The following RYR3 variants were observed in gnomAD, a reference collection of about 807,000 sequenced individuals.
RYR3 encodes brain ryanodine receptor-calcium release channel.
RYR3 carries 207 observed loss-of-function variants against 584.3 expected under a neutral mutation model. The observed-to-expected ratio is 0.35, with a 90% CI of 0.32 to 0.40. The LOEUF is 0.40. RYR3 is among the 10% of genes least tolerant of loss of function. The pLI is 1.00. For missense variants in RYR3, 5,616 were observed against 6,089.2 expected (o/e 0.92, Z 2.59); for synonymous variants, 2,416 against 2,248.5 (o/e 1.07, Z -2.11).
chr15:33,583,636 G>C (rs933138843), intron 14 of RYR3, among the ~76,000 whole-genome samples: 1 of 152,174 alleles, frequency 6.6e-6, no homozygotes, highest in African/African-American at 2.4e-5. Flanking sequence ...AGTATAGAAA[G>C]AGGTTGGGTG....
At chr15:33,542,042 T>G (rs1454610747) in intron 7 of RYR3, among the ~76,000 whole-genome samples, 1 of 152,136 alleles carries the variant, frequency 6.6e-6, no homozygotes, top group Non-Finnish European at 1.5e-5. Flanking sequence ...TAAGGAGTGT[T>G]TGCAAATCAT....
At chr15:33,794,065 A>ATATATATTATATATAATATATAC (rs1427561623) in intron 67 of RYR3, among the ~76,000 whole-genome samples, 298 of 127,624 alleles carry the variant, frequency 2.3e-3, no homozygotes, top group Non-Finnish European at 3.7e-3. Context: ...TATATACATA[A>ATATATATTATATATAATATATAC]ATAAATATAT....
intron 60 of RYR3, among the ~76,000 whole-genome samples, chr15:33,764,123 C>T (rs1220008216): frequency 1.3e-5 from 2 of 151,924 alleles, no homozygotes; most frequent in Non-Finnish European, 2.9e-5. Flanking sequence ...TAAAGACATG[C>T]CCGTGTACGT....
At chr15:33,715,152 G>A (rs182492809) in intron 43 of RYR3, among the ~76,000 whole-genome samples, 2 of 152,316 alleles carry the variant, frequency 1.3e-5, no homozygotes, top group Admixed American at 6.5e-5. Flanking sequence ...AGAGTACAAA[G>A]TGTCATCTTA....
intron 32 of RYR3, among the ~76,000 whole-genome samples, chr15:33,658,721 T>C (rs541671184): frequency 2.6e-4 from 40 of 152,358 alleles, no homozygotes; most frequent in South Asian, 1.4e-3. Flanking sequence ...GAAAACACTT[T>C]AGTAATATGG....
rs2078510237 is a variant in RYR3 at position 33,843,429 on chromosome 15, T to C, written c.13210-59T>C. The C allele has an allele frequency of 3.3e-6, 4 of 1,194,594 alleles. No individual in the cohort carries two copies. The East Asian group carries it at 7.5e-5, about 22-fold the overall frequency. The allele number at this position is 1,194,594 out of a possible 1,614,324, so 74.0% of individuals were successfully genotyped here. On this transcript the variant is annotated intron_variant, in intron 91 of 103. Transcript: ENST00000634891. Reference sequence around the variant, plus strand: ...CCAGAACTGACCTTCTGTGTGAAAGTAGGAAGTTCTCTTTTCCTTCCAAAG... The same window carrying C: ...CCAGAACTGACCTTCTGTGTGAAAGCAGGAAGTTCTCTTTTCCTTCCAAAG...
chr15:33,345,405 T>C (rs145730235), intron 1 of RYR3, among the ~76,000 whole-genome samples: 4 of 152,310 alleles, frequency 2.6e-5, no homozygotes, highest in Admixed American at 2.0e-4. Context: ...TAGAGTGCAG[T>C]GGTGCAATCA....
At position 33,540,416 on chromosome 15, in the gene RYR3, A is replaced by G. The variant is rs1308355892; in HGVS notation, c.547-375A>G. 4.6e-5 allele frequency among the ~76,000 whole-genome samples: 7 copies of G among 152,224 alleles called. No individual in the cohort carries two copies. The South Asian group carries it at 1.2e-3, about 27-fold the overall frequency. ...GAAACGTCAGAGAAGCTTCTCACGG[A>G]GTCAACTGAAGTAAAATCTGTGGGC... On this transcript the variant is annotated intron_variant, in intron 6 of 103. Transcript: ENST00000634891.
chr15:33,840,234 G>C (rs1046735787), intron 89 of RYR3, among the ~76,000 whole-genome samples: 1 of 152,188 alleles, frequency 6.6e-6, no homozygotes, highest in Non-Finnish European at 1.5e-5. Context: ...ATATGGCTAA[G>C]TATCCTTTGG....
Position 33,838,509 on chromosome 15 carries a change from G to A in RYR3, c.12529G>A (p.Ala4177Thr), listed in dbSNP as rs374677602. 4.3e-6 allele frequency: 7 copies of A among 1,613,856 alleles called. No individual in the cohort carries two copies. In the African/African-American group the frequency reaches 9.3e-5, roughly 22 times the overall value. Residue 4177 changes from alanine to threonine, a missense_variant, in exon 89 of 104, where the codon GCG (alanine) becomes ACG (threonine). Ala to Thr is a moderately conservative substitution (Grantham distance 58). Around this residue, in one of 9 missense-constraint regions of RYR3, gnomAD observed 918 missense variants for 887.4 expected, o/e 1.03. Coordinates refer to ENST00000634891, the MANE Select transcript of RYR3 (RefSeq NM_001036.6). ...GTACAGGAACGTGAAAAAGATGACT[G>A]CGAAGGAGCTGGTGAAGGTGCTCTT... ...KQYRNVKKMT[A>T]KELVKVLFSF...
At chr15:33,684,351 A>G (rs952787854) in intron 38 of RYR3, among the ~76,000 whole-genome samples, 7 of 152,232 alleles carry the variant, frequency 4.6e-5, no homozygotes, top group Non-Finnish European at 1.5e-5. Context: ...CCAGGCAAAC[A>G]GAGTCTGGAG....
chr15:33,445,024 T>C (rs1310561004), intron 1 of RYR3, among the ~76,000 whole-genome samples: 2 of 152,330 alleles, frequency 1.3e-5, no homozygotes, highest in East Asian at 3.9e-4. Flanking sequence ...ATAAGGTGTT[T>C]GGATTTATCC....
intron 1 of RYR3, among the ~76,000 whole-genome samples, chr15:33,426,652 G>C (rs912458144): frequency 5.9e-5 from 9 of 152,192 alleles, no homozygotes; most frequent in Non-Finnish European, 8.8e-5. Context: ...AACTGAGGCT[G>C]GTAGTTAAGT....
intron 4 of RYR3, among the ~76,000 whole-genome samples, chr15:33,531,786 G>C (rs1211192383): frequency 6.6e-6 from 1 of 152,068 alleles, no homozygotes; most frequent in Admixed American, 6.6e-5. Context: ...ATGTTTTTGA[G>C]AGTAGGGAAA....
chr15:33,772,353 A>G (rs2152889033), intron 63 of RYR3, among the ~76,000 whole-genome samples, 195 bp downstream of exon 63: 1 of 152,294 alleles, frequency 6.6e-6, no homozygotes, highest in South Asian at 2.1e-4. Flanking sequence ...GAAATTCCCT[A>G]ATTTGAGTAT....
At chr15:33,826,588 T>G (rs1596840150) in intron 83 of RYR3, 84 bp from the exon 84 acceptor site, 6 of 1,179,924 alleles carry the variant, frequency 5.1e-6, no homozygotes, top group Non-Finnish European at 7.6e-6. Flanking sequence ...ACAACTCCTT[T>G]ATCATCTGTG....
chr15:33,565,786 A>G (rs939485296), intron 11 of RYR3, among the ~76,000 whole-genome samples: 1 of 152,216 alleles, frequency 6.6e-6, no homozygotes, highest in Non-Finnish European at 1.5e-5. Flanking sequence ...GATCATTTTA[A>G]GGGAAAAAGC....
At chr15:33,376,691 C>T (rs1275158441) in intron 1 of RYR3, among the ~76,000 whole-genome samples, 3 of 152,230 alleles carry the variant, frequency 2.0e-5, no homozygotes, top group African/African-American at 7.2e-5. Flanking sequence ...CCACAACATC[C>T]ACTTCATCTG....
chr15:33,786,281 C>G (rs2074703282), intron 66 of RYR3, among the ~76,000 whole-genome samples: 1 of 152,164 alleles, frequency 6.6e-6, no homozygotes, highest in South Asian at 2.1e-4. Flanking sequence ...GATTTTGGTA[C>G]TCAAGAATCC....
Sources: allele counts gnomAD v4.1 joint callset (sites outside exome capture counted in the v4.1 genomes callset), GRCh38; gene constraint gnomAD v4.1.1; regional missense constraint gnomAD v4.1.1; transcripts MANE v1.5; gene names NCBI Gene and HGNC (gene_info 2026-07-23, HGNC 2026-07-21).